Variants in RYR3 observed in about 807,000 individuals in gnomAD.
RYR3 encodes brain ryanodine receptor-calcium release channel.
RYR3 carries 207 observed loss-of-function variants against 584.3 expected under a neutral mutation model. The ratio of observed to expected loss-of-function variants is 0.35; its 90% CI spans 0.32 to 0.40. The LOEUF is 0.40. Among genes scored for constraint, RYR3 ranks in the 10% least tolerant of loss-of-function variants. The pLI is 1.00. For synonymous variants in RYR3, 2,416 were observed against 2,248.5 expected (o/e 1.07, Z -2.11); for missense variants, 5,616 against 6,089.2 (o/e 0.92, Z 2.59).
At chr15:33,531,456 C>A (rs899119526) in intron 4 of RYR3, among the ~76,000 whole-genome samples, 1 of 151,902 alleles carries the variant, frequency 6.6e-6, no homozygotes, top group Non-Finnish European at 1.5e-5. Flanking sequence ...CACTTTCTTT[C>A]GGTGTAAGAA....
At chr15:33,602,843 T>C (rs1347740315) in intron 17 of RYR3, among the ~76,000 whole-genome samples, 1 of 144,290 alleles carries the variant, frequency 6.9e-6, no homozygotes, top group Admixed American at 7.3e-5. Context: ...ACTGCTAGGC[T>C]CAAGCAGTTC....
At chr15:33,496,611 T>A (rs1374992661) in intron 2 of RYR3, among the ~76,000 whole-genome samples, 1 of 152,156 alleles carries the variant, frequency 6.6e-6, no homozygotes, top group African/African-American at 2.4e-5. Context: ...TTAATGAAAT[T>A]TTAAACAGAA....
At chr15:33,847,690 TAG>T (rs2078814410) in intron 93 of RYR3, 1 of 152,326 alleles carries the variant, frequency 6.6e-6, no homozygotes, top group African/African-American at 2.4e-5. Context: ...TATAAAAGAA[TAG>T]AGAGTGATAG....
rs1278443851 is a variant in RYR3, at chr15:33,706,907, T to C, written c.6484-12T>C. 3.8e-6 allele frequency: 6 copies of C among 1,590,784 alleles called. No individual in the cohort carries two copies. The highest frequency in any genetic ancestry group is 5.1e-6 in the Non-Finnish European group (6 of 1,167,818). ...TGCGTGCGAAAGAACACTTTTGTAC[T>C]GTTTCTGGCAGGTGGTGACCTACTT... On this transcript the variant is annotated splice_polypyrimidine_tract_variant and intron_variant, in intron 42 of 103. Coordinates refer to ENST00000634891, the MANE Select transcript of RYR3 (RefSeq NM_001036.6).
chr15:33,440,161 C>T (rs1209595360), intron 1 of RYR3, among the ~76,000 whole-genome samples: 2 of 152,054 alleles, frequency 1.3e-5, no homozygotes, highest in Non-Finnish European at 1.5e-5. Context: ...GCAGCATGCA[C>T]CTGTCGTCCC....
At chr15:33,426,662 T>C (rs1221816052) in intron 1 of RYR3, among the ~76,000 whole-genome samples, 1 of 152,252 alleles carries the variant, frequency 6.6e-6, no homozygotes, top group African/African-American at 2.4e-5. Flanking sequence ...GGTAGTTAAG[T>C]ATATTACCAG....
chr15:33,738,379 C>G lies in RYR3; in HGVS notation c.7516-71C>G. On this transcript the variant is annotated intron_variant, in intron 49 of 103. Coordinates refer to ENST00000634891, the MANE Select transcript of RYR3 (RefSeq NM_001036.6). The stretch of plus-strand genomic sequence containing the variant: ...TCTCTGCTTACTACTTGATTCTCTC[C>G]TGCATGTTTTTGATGCCTGTGGACT... The G allele has an allele frequency of 1.4e-6, 2 of 1,462,174 alleles. 1 individual carries two copies. Among genetic ancestry groups the G allele is most frequent in the South Asian group, 2.5e-5 (2 of 78,804 alleles). The allele number at this position is 1,462,174 out of a possible 1,614,324, so 90.6% of individuals were successfully genotyped here.
intron 3 of RYR3, among the ~76,000 whole-genome samples, chr15:33,520,043 G>A (rs1231166922): frequency 1.3e-5 from 2 of 152,160 alleles, no homozygotes; most frequent in Non-Finnish European, 2.9e-5. Flanking sequence ...ATAAAGGTTG[G>A]TTGTTACAGG....
At chr15:33,361,081 T>A (rs546154427) in intron 1 of RYR3, among the ~76,000 whole-genome samples, 25 of 152,332 alleles carry the variant, frequency 1.6e-4, no homozygotes, top group African/African-American at 5.5e-4. Context: ...GCTGGAGGCT[T>A]CTCAGCCTGC....
intron 1 of RYR3, among the ~76,000 whole-genome samples, chr15:33,440,768 A>G (rs2046156023): frequency 6.6e-6 from 1 of 152,206 alleles, no homozygotes; most frequent in South Asian, 2.1e-4. Context: ...GGCTCTTTAA[A>G]TATGCAGACG....
At chr15:33,601,318 G>C in intron 16 of RYR3, 101 bp from the exon 17 acceptor site, 3 of 1,235,328 alleles carry the variant, frequency 2.4e-6, no homozygotes, top group Admixed American at 4.2e-5. Flanking sequence ...CCGTCACCTA[G>C]CCCCCACCCT....
chr15:33,551,332 T>C (rs1039410856), intron 10 of RYR3, among the ~76,000 whole-genome samples: 1 of 152,232 alleles, frequency 6.6e-6, no homozygotes, highest in Non-Finnish European at 1.5e-5. Flanking sequence ...ATATGTGTTC[T>C]CACCATGACT....
chr15:33,385,710 C>CTTTTTTTTTTT (rs10682215), intron 1 of RYR3, among the ~76,000 whole-genome samples: 14 of 131,390 alleles, frequency 1.1e-4, no homozygotes, highest in African/African-American at 2.1e-4. Context: ...TTTTTCTTTT[C>CTTTTTTTTTTT]TTTTTTTTTT....
At chr15:33,553,967 T>C (rs931612258) in intron 10 of RYR3, among the ~76,000 whole-genome samples, 4 of 152,190 alleles carry the variant, frequency 2.6e-5, no homozygotes, top group Non-Finnish European at 4.4e-5. Context: ...TCTTGGAACA[T>C]ATTTGTTTTT....
chr15:33,636,769 T>C (rs1487573548), intron 27 of RYR3, among the ~76,000 whole-genome samples: 1 of 152,206 alleles, frequency 6.6e-6, no homozygotes, highest in Non-Finnish European at 1.5e-5. Flanking sequence ...CATTCTGAAC[T>C]CTCAGATAGG....
chr15:33,341,191 A>G (rs1971772456), intron 1 of RYR3, among the ~76,000 whole-genome samples: 2 of 152,110 alleles, frequency 1.3e-5, no homozygotes, highest in East Asian at 3.9e-4. Context: ...GGTGCGCCCC[A>G]CTGCACCCAG....
chr15:33,556,859 T>TC (rs1170558007), intron 10 of RYR3, among the ~76,000 whole-genome samples: 4 of 152,158 alleles, frequency 2.6e-5, no homozygotes, highest in Non-Finnish European at 1.5e-5. Flanking sequence ...TTGTTTTTTT[T>TC]CCCCAAACTC....
chr15:33,821,533 C>T lies in RYR3; in HGVS notation c.10926C>T (p.Ser3642=), dbSNP rs1333632072. Residue 3642 remains serine, a synonymous_variant, in exon 80 of 104, where the codon AGC becomes AGT. Coordinates refer to ENST00000634891, the MANE Select transcript of RYR3 (RefSeq NM_001036.6). ...QMISASKGEM[S]PMVVETLKLG... ...TCTTCACCATGGCAGGTGAGATGAG[C>T]CCCATGGTGGTTGAGACGCTGAAGC... is the stretch of plus-strand genomic sequence containing the variant. The T allele has an allele frequency of 2.5e-6, 4 of 1,613,786 alleles. No individual in the cohort carries two copies. The Admixed American group carries it at 6.7e-5, about 27-fold the overall frequency.
chr15:33,688,555 A>T (rs2065179142), intron 38 of RYR3, among the ~76,000 whole-genome samples: 1 of 148,466 alleles, frequency 6.7e-6, no homozygotes, highest in Non-Finnish European at 1.5e-5. Flanking sequence ...CCTGGGCGAC[A>T]GAGCGAGACT....
Sources: allele counts gnomAD v4.1 joint callset (sites outside exome capture counted in the v4.1 genomes callset), GRCh38; gene constraint gnomAD v4.1.1; transcripts MANE v1.5; gene names NCBI Gene and HGNC (gene_info 2026-07-23, HGNC 2026-07-21).